CEP128: variants seen among roughly 807,000 people sequenced by gnomAD.
The protein encoded by CEP128 is centrosomal protein 128.
CEP128 carries 132 observed loss-of-function variants against 156.7 expected under a neutral mutation model. That is an observed-to-expected ratio of 0.84 (90% confidence interval 0.73 to 0.97). The LOEUF is 0.97. CEP128 is among the 50% of genes least tolerant of loss of function. The pLI is 0.00. For synonymous variants in CEP128, 469 were observed against 448.9 expected (o/e 1.04, Z -0.57); for missense variants, 1,252 against 1,281.9 (o/e 0.98, Z 0.36).
At position 80,506,410 on chromosome 14, in the gene CEP128, A is replaced by ATT. The variant is rs11417550; in HGVS notation, c.3073-1392_3073-1391dup. On this transcript the variant is annotated intron_variant, in intron 23 of 24. Coordinates refer to ENST00000555265, the MANE Select transcript of CEP128 (RefSeq NM_152446.5). ...GGAGAAGGATGACAAGCTTTGATTT[A>ATT]TTTTTTTTTTTTTCAAAGATCACTT... 8.5e-3 allele frequency among the ~76,000 whole-genome samples: 1,174 copies of ATT among 137,620 alleles called. 4 individuals carry two copies. Among genetic ancestry groups the ATT allele is most frequent in the African/African-American group, 0.014 (508 of 35,972 alleles). 90.3% of individuals were successfully genotyped at this position (137,620 alleles called of 152,430 possible).
At chr14:80,603,156 G>C (rs139834675) in intron 19 of CEP128, among the ~76,000 whole-genome samples, 1 of 152,150 alleles carries the variant, frequency 6.6e-6, no homozygotes, top group Non-Finnish European at 1.5e-5. Context: ...TGAGACAATG[G>C]CCTTTCTGGC....
intron 13 of CEP128, among the ~76,000 whole-genome samples, chr14:80,813,377 A>G (rs753840616): frequency 3.3e-5 from 5 of 151,890 alleles, no homozygotes; most frequent in Admixed American, 2.6e-4. Context: ...ATCCATCTTG[A>G]GTTGATTTTT....
intron 19 of CEP128, among the ~76,000 whole-genome samples, chr14:80,722,848 C>T (rs1210216083): frequency 9.2e-6 from 1 of 108,658 alleles, no homozygotes; most frequent in Non-Finnish European, 1.8e-5. Flanking sequence ...TTTTTTGAGA[C>T]GGGAGTCTTG....
upstream of CEP128, among the ~76,000 whole-genome samples, chr14:80,944,960 A>G (rs1389038225): frequency 6.6e-6 from 1 of 151,840 alleles, no homozygotes; most frequent in African/African-American, 2.4e-5. Context: ...AACCAGTACA[A>G]GTATCATTTG....
At chr14:80,498,161 G>A (rs1379549053) in intron 24 of CEP128, among the ~76,000 whole-genome samples, 2 of 152,040 alleles carry the variant, frequency 1.3e-5, no homozygotes, top group Non-Finnish European at 2.9e-5. Flanking sequence ...TTCTCAAACC[G>A]TGGTTCCTCT....
intron 19 of CEP128, among the ~76,000 whole-genome samples, chr14:80,604,604 T>C (rs1892707397): frequency 6.6e-6 from 1 of 152,130 alleles, no homozygotes; most frequent in African/African-American, 2.4e-5. Context: ...AAACGTATCC[T>C]CGGTTAGCTT....
chr14:80,753,646 G>A (rs1409911601), intron 18 of CEP128, among the ~76,000 whole-genome samples: 2 of 152,158 alleles, frequency 1.3e-5, no homozygotes, highest in African/African-American at 4.8e-5. Context: ...TTGCCATGAT[G>A]TGAACAAAAA....
chr14:80,788,136 A>G (rs974043770), intron 14 of CEP128, among the ~76,000 whole-genome samples: 5 of 152,038 alleles, frequency 3.3e-5, no homozygotes, highest in Admixed American at 3.3e-4. Flanking sequence ...ACAGCTTAAG[A>G]TTCTGTCTAG....
At chr14:80,527,030 A>C in intron 22 of CEP128, 48 bp from the exon 23 acceptor site, 1 of 863,000 alleles carries the variant, frequency 1.2e-6, no homozygotes, top group Non-Finnish European at 1.9e-6. Flanking sequence ...ATGAAAGAAA[A>C]TCAGTGCTTG....
intron 13 of CEP128, among the ~76,000 whole-genome samples, chr14:80,822,349 T>C (rs1595456907): frequency 2.6e-5 from 4 of 152,202 alleles, no homozygotes; most frequent in Middle Eastern, 3.4e-3. Context: ...ATGAAAGAAA[T>C]TGGCCAAAAC....
chr14:80,774,866 G>C (rs1031983047), intron 16 of CEP128, among the ~76,000 whole-genome samples: 1 of 152,160 alleles, frequency 6.6e-6, no homozygotes, highest in Non-Finnish European at 1.5e-5. Flanking sequence ...TTTCACATGT[G>C]TGCCTCCTCT....
intron 13 of CEP128, among the ~76,000 whole-genome samples, chr14:80,823,557 G>T (rs1313844287): frequency 1.3e-5 from 2 of 151,694 alleles, no homozygotes; most frequent in East Asian, 1.9e-4. Context: ...GAAATACCAT[G>T]ATTGTTTATG....
intron 21 of CEP128, among the ~76,000 whole-genome samples, chr14:80,533,393 T>G (rs557648315): frequency 6.6e-6 from 1 of 152,158 alleles, no homozygotes; most frequent in East Asian, 1.9e-4. Context: ...TAAGTAAGTA[T>G]GTAAAACTCA....
At chr14:80,855,279 A>G (rs1566672767) in intron 9 of CEP128, among the ~76,000 whole-genome samples, 1 of 152,136 alleles carries the variant, frequency 6.6e-6, no homozygotes, top group African/African-American at 2.4e-5. Flanking sequence ...GTCCTGTCCA[A>G]GGACTCAATT....
intron 2 of CEP128, among the ~76,000 whole-genome samples, chr14:80,921,049 C>G (rs1378696674): frequency 6.6e-6 from 1 of 152,154 alleles, no homozygotes. Context: ...TATGGTACAT[C>G]TATACAATGA....
chr14:80,563,524 CTTTTTTTTT>C (rs540593415), intron 20 of CEP128, among the ~76,000 whole-genome samples: 2 of 78,876 alleles, frequency 2.5e-5, no homozygotes, highest in Admixed American at 1.7e-4. Flanking sequence ...GCCTCCAAAT[CTTTTTTTTT>C]TTTTTTTTTT....
intron 9 of CEP128, 109 bp downstream of exon 9, chr14:80,862,648 A>G (rs1300700651): frequency 2.7e-6 from 2 of 743,350 alleles, no homozygotes; most frequent in East Asian, 5.0e-5. Context: ...TGATATTAAT[A>G]CTTCTCAGAT....
intron 19 of CEP128, among the ~76,000 whole-genome samples, chr14:80,709,182 C>G (rs935242998): frequency 6.6e-6 from 1 of 151,442 alleles, no homozygotes; most frequent in Non-Finnish European, 1.5e-5. Flanking sequence ...TCTTGTCATC[C>G]AGGCTGACGT....
chr14:80,533,938 A>G (rs1889353775), intron 21 of CEP128, among the ~76,000 whole-genome samples: 1 of 152,218 alleles, frequency 6.6e-6, no homozygotes, highest in Admixed American at 6.5e-5. Flanking sequence ...CCAGGGGAAC[A>G]AAAGATGTAA....
Sources: allele counts gnomAD v4.1 joint callset (sites outside exome capture counted in the v4.1 genomes callset), GRCh38; gene constraint gnomAD v4.1.1; transcripts MANE v1.5; gene names NCBI Gene and HGNC (gene_info 2026-07-23, HGNC 2026-07-21).